Variants in NUMA1 observed in about 807,000 individuals in gnomAD.
NUMA1 encodes nuclear mitotic apparatus protein 1.
A neutral mutation model predicts 237.1 loss-of-function variants in NUMA1; 62 were observed. That is an observed-to-expected ratio of 0.26 (90% CI 0.21 to 0.32). The LOEUF (loss-of-function observed/expected upper bound fraction) is 0.32. NUMA1 is among the 10% of genes least tolerant of loss of function. NUMA1 has a pLI of 1.00. For synonymous variants in NUMA1, 1,028 were observed against 1,066.1 expected (o/e 0.96, Z 0.70); for missense variants, 2,533 against 2,666.5 (o/e 0.95, Z 1.10).
At chr11:72,044,768 A>G (rs1941899097) in intron 2 of NUMA1, among the ~76,000 whole-genome samples, 1 of 151,608 alleles carries the variant, frequency 6.6e-6, no homozygotes, top group African/African-American at 2.4e-5. Flanking sequence ...CCTGGGTTCA[A>G]ATGATTCTCC....
chr11:72,012,462 AAC>A lies in NUMA1; in HGVS notation c.4609-22_4609-21del, dbSNP rs760228224. ...CTCCACCTGTACATGGGGGAGGAGC[AAC>A]AGAGACAGAGTGAGATGAGGCCAAA... On this transcript the variant is annotated intron_variant, in intron 15 of 26. Transcript: ENST00000393695. 2.0e-5 allele frequency: 32 copies of A among 1,610,998 alleles called. 1 individual carries two copies. In the South Asian group the frequency reaches 3.5e-4, roughly 18 times the overall value.
Position 72,014,492 on chromosome 11 carries a change from C to T in NUMA1, c.3011G>A (p.Arg1004Lys), listed in dbSNP as rs777747383. Residue 1004 changes from arginine to lysine, a missense_variant, in exon 15 of 27, where the codon AGG (arginine) becomes AAG (lysine). Physicochemically the swap from Arg to Lys is conservative, Grantham distance 26. This residue lies in a region of NUMA1 where 1,414 missense variants were observed against 1,508.1 expected (regional missense o/e 0.94). Coordinates refer to ENST00000393695, the MANE Select transcript of NUMA1 (RefSeq NM_006185.4). The surrounding 1 kb of genome is among the most constrained non-coding windows in gnomAD (Gnocchi z 4.6). ...CTCCTGGGTCAGCCGCGCCACCTCC[C>T]TTTCCTGCTGCCCACGCTCCTCCTG... ...QQQEERGQQE[R>K]EVARLTQERG... The T allele has an allele frequency of 2.5e-6, 4 of 1,602,124 alleles. No individual in the cohort carries two copies. Among genetic ancestry groups the T allele is most frequent in the Non-Finnish European group, 3.4e-6 (4 of 1,179,952 alleles).
Position 72,012,838 on chromosome 11 carries a change from T to C in NUMA1, c.4608+57A>G, listed in dbSNP as rs1956244336. ...AGAGGCCCTGGACACAGAGGATCGATGTCCCCGCGCTCTCAGCTCCTGATC... is the reference window on the plus strand; with the variant it reads ...AGAGGCCCTGGACACAGAGGATCGACGTCCCCGCGCTCTCAGCTCCTGATC... On this transcript the variant is annotated intron_variant, in intron 15 of 26. Coordinates refer to ENST00000393695, the MANE Select transcript of NUMA1 (RefSeq NM_006185.4). The C allele has an allele frequency of 7.6e-6, 12 of 1,574,298 alleles. No individual in the cohort carries two copies. In the South Asian group the frequency reaches 1.1e-4, roughly 14 times the overall value.
chr11:72,072,847 G>A (rs1465386206), intron 1 of NUMA1, among the ~76,000 whole-genome samples: 1 of 151,762 alleles, frequency 6.6e-6, no homozygotes, highest in Non-Finnish European at 1.5e-5. Flanking sequence ...ACTGTCAGGA[G>A]ATAGAGACCA....
intron 17 of NUMA1, 111 bp from the exon 18 acceptor site, chr11:72,009,498 G>A: frequency 2.9e-6 from 4 of 1,398,394 alleles, no homozygotes; most frequent in South Asian, 1.5e-5. Context: ...CACTTTCTTA[G>A]GAAGCGGAAG....
intron 2 of NUMA1, among the ~76,000 whole-genome samples, chr11:72,056,927 A>C (rs1447391872): frequency 6.6e-6 from 1 of 152,088 alleles, no homozygotes; most frequent in African/African-American, 2.4e-5. Context: ...ATGGCATTGA[A>C]AATGGAACTA....
intron 8 of NUMA1, 63 bp from the exon 9 acceptor site, chr11:72,019,680 A>T: frequency 6.4e-7 from 1 of 1,555,574 alleles, no homozygotes; most frequent in Non-Finnish European, 8.8e-7. Context: ...AAAGATTTGC[A>T]CCTTTATGCA....
chr11:72,011,461 G>A (rs1590886231), intron 16 of NUMA1, among the ~76,000 whole-genome samples: 1 of 152,194 alleles, frequency 6.6e-6, no homozygotes, highest in East Asian at 1.9e-4. Flanking sequence ...AGAGCACAGG[G>A]AGTAGGGGAA....
At chr11:72,078,162 C>G (rs1943803730) in intron 1 of NUMA1, among the ~76,000 whole-genome samples, 1 of 152,178 alleles carries the variant, frequency 6.6e-6, no homozygotes, top group African/African-American at 2.4e-5. Flanking sequence ...GGGCAAGCCA[C>G]CATGCCCAGC....
intron 8 of NUMA1, 140 bp downstream of exon 8, chr11:72,021,064 C>T (rs1201613589): frequency 1.6e-5 from 11 of 689,090 alleles, no homozygotes; most frequent in Middle Eastern, 6.6e-4. Context: ...CGACCTACTC[C>T]ATTACACACA....
At chr11:72,021,515 A>G (rs192976041) in intron 7 of NUMA1, among the ~76,000 whole-genome samples, 33 of 152,338 alleles carry the variant, frequency 2.2e-4, no homozygotes, top group Admixed American at 1.2e-3. Context: ...CCTCCCCTCA[A>G]GATGTACCGA....
intron 21 of NUMA1, among the ~76,000 whole-genome samples, chr11:72,006,496 A>G (rs1223514171): frequency 6.6e-6 from 1 of 152,166 alleles, no homozygotes; most frequent in Non-Finnish European, 1.5e-5. Flanking sequence ...GAGTCTATTC[A>G]TAATGCTTTG....
intron 2 of NUMA1, among the ~76,000 whole-genome samples, chr11:72,040,191 T>G (rs1941497375): frequency 6.6e-6 from 1 of 152,102 alleles, no homozygotes; most frequent in African/African-American, 2.4e-5. Flanking sequence ...GGCTGAAGCC[T>G]CCTCTTCACA....
At chr11:72,012,194 C>G (rs1223906766) in intron 16 of NUMA1, 1 of 555,078 alleles carries the variant, frequency 1.8e-6, no homozygotes, top group Non-Finnish European at 3.2e-6. Context: ...GGTGGAGAGG[C>G]CGACCTGGGA....
chr11:72,017,568 A>G, intron 13 of NUMA1, 119 bp downstream of exon 13: 1 of 1,226,496 alleles, frequency 8.2e-7, no homozygotes, highest in Admixed American at 1.7e-5. Context: ...ACAGCACACT[A>G]TTGAACCTTG....
Position 72,014,825 on chromosome 11 carries a change from A to C in NUMA1, c.2678T>G (p.Val893Gly), listed in dbSNP as rs754866519. Residue 893 changes from valine to glycine, a missense_variant, in exon 15 of 27, where the codon GTC becomes GGC. Val to Gly is a moderately radical substitution (Grantham distance 109). Transcript: ENST00000393695. The surrounding 1 kb of genome is among the most constrained non-coding windows in gnomAD (Gnocchi z 4.6). ...GTCATCTGCAAGCTTCTGGGCCCTG[A>C]CTTCCTTCTCTTGGACCTGCTGGAG... The part of the protein sequence containing the change: ...RALQQVQEKE[V>G]RAQKLADDLS... The C allele has an allele frequency of 6.2e-7, 1 of 1,613,992 alleles. No individual in the cohort carries two copies. Among genetic ancestry groups the C allele is most frequent in the Non-Finnish European group, 8.5e-7 (1 of 1,179,988 alleles).
chr11:72,032,450 C>A (rs1278383829), intron 3 of NUMA1, among the ~76,000 whole-genome samples: 1 of 152,122 alleles, frequency 6.6e-6, no homozygotes, highest in African/African-American at 2.4e-5. Context: ...GTAAAACATT[C>A]AAGGACTATG....
At chr11:72,078,219 T>G (rs905287984) in intron 1 of NUMA1, among the ~76,000 whole-genome samples, 1 of 152,234 alleles carries the variant, frequency 6.6e-6, no homozygotes, top group Non-Finnish European at 1.5e-5. Context: ...TAGAGATGGA[T>G]TGACTTTGGG....
At chr11:72,031,689 G>A (rs1939243) in intron 3 of NUMA1, among the ~76,000 whole-genome samples, 134,683 of 152,040 alleles carry the variant, frequency 0.89, 59,945 homozygotes, top group Non-Finnish European at 0.95. Context: ...CTGTATGCTC[G>A]CGTAGTCCCT....
Sources: gnomAD v4.1 joint callset for allele counts (sites outside exome capture counted in the v4.1 genomes callset) on GRCh38, gnomAD v4.1.1 for gene constraint, gnomAD v4.1.1 regional missense constraint, Gnocchi (gnomAD v3.1) non-coding constraint, MANE v1.5 for transcripts, NCBI Gene and HGNC (gene_info 2026-07-23, HGNC 2026-07-21) for gene names.